Variants in SLC35F5 observed in about 807,000 individuals in gnomAD.
SLC35F5 encodes the protein HCV NS5A-transactivated protein 3.
SLC35F5 carries 54 observed loss-of-function variants against 68.6 expected under a neutral mutation model. That is an observed-to-expected ratio of 0.79 (90% CI 0.63 to 0.99). SLC35F5 has a LOEUF of 0.99. SLC35F5 is among the 50% of genes least tolerant of loss of function. SLC35F5 has a pLI of 0.00. For missense variants in SLC35F5, 567 were observed against 626.9 expected, an observed-to-expected ratio of 0.90 and a Z score of 1.02; for synonymous variants, 211 against 205.2, an observed-to-expected ratio of 1.03 and a Z score of -0.24.
intron 9 of SLC35F5, 84 bp downstream of exon 9, chr2:113,734,502 T>C (rs910831574): frequency 1.0e-5 from 8 of 769,822 alleles, no homozygotes; most frequent in South Asian, 9.2e-5. Flanking sequence ...GCTCTTACAA[T>C]ACAAACTACC....
chr2:113,718,863 GAAAA>G (rs1331231113), intron 14 of SLC35F5, among the ~76,000 whole-genome samples: 4 of 93,474 alleles, frequency 4.3e-5, no homozygotes, highest in African/African-American at 4.2e-5. Flanking sequence ...GAGAGAGAAA[GAAAA>G]AGAAAGAAAG....
In SLC35F5 at chr2:113,718,911, AAG is replaced by A. The variant is rs1179655537; in HGVS notation, c.1496+241_1496+242del. ...AAAGAAAGAAAGAAAGAAAGAAAGA[AAG>A]AAAGAAAGAAAGAAAAAGAAAGGAA... On this transcript the variant is annotated intron_variant, in intron 14 of 15. Coordinates refer to ENST00000245680, the MANE Select transcript of SLC35F5 (RefSeq NM_025181.5). Among the ~76,000 whole-genome samples the A allele has an allele frequency of 1.1e-4, 9 of 82,158 alleles. 1 individual carries two copies. The highest frequency in any genetic ancestry group is 7.5e-4 in the South Asian group (2 of 2,658). The allele number at this position is 82,158 out of a possible 152,430, so 53.9% of individuals were successfully genotyped here.
At chr2:113,720,166 T>G (rs1387512562) in intron 13 of SLC35F5, among the ~76,000 whole-genome samples, 1 of 151,826 alleles carries the variant, frequency 6.6e-6, no homozygotes, top group African/African-American at 2.4e-5. Flanking sequence ...CCATCTAGAC[T>G]CAGCTAAAGA....
chr2:113,706,034 G>C (rs539087654), downstream of SLC35F5, among the ~76,000 whole-genome samples: 4 of 152,260 alleles, frequency 2.6e-5, no homozygotes, highest in Admixed American at 2.6e-4. Context: ...GGTGATCTTG[G>C]TTCCAGAATA....
At chr2:113,744,265 G>C (rs1410957915) in intron 5 of SLC35F5, among the ~76,000 whole-genome samples, 1 of 152,038 alleles carries the variant, frequency 6.6e-6, no homozygotes, top group Non-Finnish European at 1.5e-5. Flanking sequence ...ATAACAAACT[G>C]ATAACCAGGT....
rs538073236 is a variant in SLC35F5 at position 113,709,089 on chromosome 2, G to A, written c.*6129C>T. ...CTAACAAAAGCAAAAACAAAATTAC[G>A]GCCTATGTGGTGTCACTGTTATTAC... On this transcript the variant is annotated 3_prime_UTR_variant, in exon 16 of 16. Coordinates refer to ENST00000245680, the MANE Select transcript of SLC35F5 (RefSeq NM_025181.5). 2.6e-5 allele frequency among the ~76,000 whole-genome samples: 4 copies of A among 152,286 alleles called. No homozygotes were observed. In the East Asian group the frequency reaches 5.8e-4, roughly 22 times the overall value.
chr2:113,719,128 A>G (rs762146191), intron 14 of SLC35F5, 26 bp downstream of exon 14: 49 of 1,582,592 alleles, frequency 3.1e-5, no homozygotes, highest in Non-Finnish European at 4.1e-5. Flanking sequence ...ACTATTTTTA[A>G]AAATGTGTAT....
chr2:113,718,137 G>A lies in SLC35F5; in HGVS notation c.1497-287C>T, dbSNP rs997670. On this transcript the variant is annotated intron_variant, in intron 14 of 15. Coordinates refer to ENST00000245680, the MANE Select transcript of SLC35F5 (RefSeq NM_025181.5). ...ATCACTTTGTCACCCAGGCTAAAGTGTAGTGGTGCTATTATAGTTCACTGC... is the reference window on the plus strand; with the variant it reads ...ATCACTTTGTCACCCAGGCTAAAGTATAGTGGTGCTATTATAGTTCACTGC... Among the ~76,000 whole-genome samples the A allele has an allele frequency of 2.0e-3, 298 of 152,260 alleles. 2 individuals are homozygous for A. Among genetic ancestry groups the A allele is most frequent in the African/African-American group, 6.8e-3 (283 of 41,554 alleles).
Position 113,708,998 on chromosome 2 carries a change from C to T in SLC35F5, c.*6220G>A, listed in dbSNP as rs1686885209. Among the ~76,000 whole-genome samples, 1 of 152,252 alleles carries T rather than the reference C, an allele frequency of 6.6e-6. No individual in the cohort carries two copies. Among genetic ancestry groups the T allele is most frequent in the Admixed American group, 6.5e-5 (1 of 15,284 alleles). On this transcript the variant is annotated 3_prime_UTR_variant, in exon 16 of 16. Transcript: ENST00000245680. ...CCAACTGTACTCAAATATAATACAA[C>T]TTCTTCAATGCTGCTTTATAAATCT...
intron 15 of SLC35F5, among the ~76,000 whole-genome samples, chr2:113,715,858 C>T (rs189594612): frequency 3.9e-5 from 6 of 152,054 alleles, no homozygotes; most frequent in Non-Finnish European, 5.9e-5. Context: ...ATTGTGTTTA[C>T]GTTTTTTTAA....
chr2:113,742,826 G>A lies in SLC35F5; in HGVS notation c.616C>T (p.Pro206Ser). The change falls in exon 7 of 16, where the codon CCG becomes TCG. Residue 206 changes from proline (P) to serine (S), a missense_variant. Coordinates refer to ENST00000245680, the MANE Select transcript of SLC35F5 (RefSeq NM_025181.5). ...TTTGCTTCCAATGCATGACTTGACG[G>A]AAGCTGTCGAATCTCCATGATATTA... ...FSNIMEIRQL[P>S]SSHALEAKLS... is the part of the protein sequence containing the mutation. The A allele has an allele frequency of 6.2e-7, 1 of 1,614,148 alleles. No individual in the cohort carries two copies. The highest frequency in any genetic ancestry group is 8.5e-7 in the Non-Finnish European group (1 of 1,180,010).
chr2:113,756,116 G>A lies in SLC35F5; in HGVS notation c.40+254C>T, dbSNP rs554002868. The A allele has an allele frequency of 5.3e-5, 77 of 1,445,470 alleles. No homozygotes were observed. The African/African-American group carries it at 6.3e-4, about 12-fold the overall frequency. The allele number at this position is 1,445,470 out of a possible 1,614,324, so 89.5% of individuals were successfully genotyped here. On this transcript the variant is annotated intron_variant, in intron 1 of 15. Coordinates refer to ENST00000245680, the MANE Select transcript of SLC35F5 (RefSeq NM_025181.5). Reference sequence around the variant, plus strand: ...AGAAATCATCCTTCTGTTTTGGAGCGGGGAAGACAGTTAAGGCAGCGACGC... The same window carrying A: ...AGAAATCATCCTTCTGTTTTGGAGCAGGGAAGACAGTTAAGGCAGCGACGC...
Position 113,743,770 on chromosome 2 carries a change from TCACAGGCACATA to T in SLC35F5, c.493_504del (p.Tyr165_Val168del). The stretch of plus-strand genomic sequence containing the variant: ...TTTTCACTTGGAAGATCATGGAATT[TCACAGGCACATA>T]CAGAGGTTCACTCTGGAATGTAACA... On this transcript the variant is annotated inframe_deletion, in exon 6 of 16. Coordinates refer to ENST00000245680, the MANE Select transcript of SLC35F5 (RefSeq NM_025181.5). The T allele has an allele frequency of 6.2e-7, 1 of 1,610,608 alleles. No individual in the cohort carries two copies. The highest frequency in any genetic ancestry group is 8.5e-7 in the Non-Finnish European group (1 of 1,178,140).
At chr2:113,720,051 G>GA (rs933255004) in intron 13 of SLC35F5, among the ~76,000 whole-genome samples, 187 of 143,368 alleles carry the variant, frequency 1.3e-3, no homozygotes, top group African/African-American at 3.4e-3. Context: ...AAATCAAAAA[G>GA]AAAAAAAAAT....
intron 12 of SLC35F5, among the ~76,000 whole-genome samples, chr2:113,724,618 T>C (rs753671210): frequency 2.0e-5 from 3 of 152,144 alleles, no homozygotes; most frequent in African/African-American, 7.2e-5. Flanking sequence ...CTATTTCTGT[T>C]GCAGTCTTTT....
In SLC35F5 at chr2:113,756,592, T is replaced by G; in HGVS notation, c.-183A>C. On this transcript the variant is annotated 5_prime_UTR_variant, in exon 1 of 16. Coordinates refer to ENST00000245680, the MANE Select transcript of SLC35F5 (RefSeq NM_025181.5). Reference sequence around the variant, plus strand: ...TCGGCCCAGGAGGGCGTGGAGCGGGTGAGGGGAAGGGACGGCACAGTCAGC... The same window carrying G: ...TCGGCCCAGGAGGGCGTGGAGCGGGGGAGGGGAAGGGACGGCACAGTCAGC... 7.1e-7 allele frequency: 1 copy of G among 1,414,312 alleles called. No homozygotes were observed. Among genetic ancestry groups the G allele is most frequent in the Non-Finnish European group, 9.2e-7 (1 of 1,083,248 alleles). 87.6% of individuals were successfully genotyped at this position (1,414,312 alleles called of 1,614,324 possible). A position where few individuals can be genotyped will look rare whatever the true frequency, so the allele number is the denominator to read the frequency against.
rs1217596997 is a variant in SLC35F5 at position 113,710,506 on chromosome 2, G to A, written c.*4712C>T. Among the ~76,000 whole-genome samples the A allele has an allele frequency of 1.3e-5, 2 of 152,170 alleles. No individual in the cohort carries two copies. ...GCACTTTGGGAGGCCAGGGCGGGCA[G>A]ATTACTTGAGCTCAGGAGTTCAAGA... On this transcript the variant is annotated 3_prime_UTR_variant, in exon 16 of 16. Transcript: ENST00000245680.
chr2:113,704,670 G>A (rs1042168677), downstream of SLC35F5, among the ~76,000 whole-genome samples: 1 of 151,862 alleles, frequency 6.6e-6, no homozygotes, highest in Non-Finnish European at 1.5e-5. Context: ...TCATTGCCCG[G>A]GGCCGGCAGG....
chr2:113,746,145 C>A, intron 5 of SLC35F5, 132 bp downstream of exon 5: 1 of 696,362 alleles, frequency 1.4e-6, no homozygotes. Flanking sequence ...AATTACAATC[C>A]TAATGATGGG....
Sources: gnomAD v4.1 joint callset for allele counts (sites outside exome capture counted in the v4.1 genomes callset) on GRCh38, gnomAD v4.1.1 for gene constraint, MANE v1.5 for transcripts, NCBI Gene and HGNC (gene_info 2026-07-23, HGNC 2026-07-21) for gene names.